DCAF5: variants seen among roughly 807,000 people sequenced by gnomAD.
DCAF5 encodes the protein DDB1- and CUL4-associated factor 5.
A neutral mutation model predicts 80.7 loss-of-function variants in DCAF5; 9 were observed. The ratio of observed to expected loss-of-function variants is 0.11; its 90% confidence interval spans 0.07 to 0.19. DCAF5 has a LOEUF of 0.19. Among genes scored for constraint, DCAF5 ranks in the 10% least tolerant of loss-of-function variants. DCAF5 has a pLI of 1.00. For synonymous variants in DCAF5, 433 were observed against 461.9 expected (o/e 0.94, Z 0.80); for missense variants, 842 against 1,205.7 (o/e 0.70, Z 4.47).
At chr14:69,084,054 G>A (rs986175499) in intron 6 of DCAF5, 47 of 781,118 alleles carry the variant, frequency 6.0e-5, no homozygotes, top group South Asian at 1.8e-4. Flanking sequence ...TACAAAAACC[G>A]TCAGTGGTAA....
chr14:69,146,838 T>C (rs542884319), intron 1 of DCAF5, among the ~76,000 whole-genome samples: 51 of 152,308 alleles, frequency 3.3e-4, no homozygotes, highest in African/African-American at 1.1e-3. Flanking sequence ...AGAAGAAAAT[T>C]TGAAAACTGA....
rs2040604687 is a variant in DCAF5, at chr14:69,118,399, A to C, written c.396-121T>G. 9.8e-7 allele frequency: 1 copy of C among 1,018,630 alleles called. No homozygotes were observed. The highest frequency in any genetic ancestry group is 1.4e-6 in the Non-Finnish European group (1 of 734,050). The allele number at this position is 1,018,630 out of a possible 1,614,324, so 63.1% of individuals were successfully genotyped here. On this transcript the variant is annotated intron_variant, in intron 3 of 8. Coordinates refer to ENST00000341516, the MANE Select transcript of DCAF5 (RefSeq NM_003861.3). This position sits in a 1 kb window ranked among gnomAD's most constrained non-coding sequence, Gnocchi z 4.0. ...TTCTAGAAGAAAGTCAACCTAGCTAAACCCAAAAAATATTATATTTCCTGA... is the reference window on the plus strand; with the variant it reads ...TTCTAGAAGAAAGTCAACCTAGCTACACCCAAAAAATATTATATTTCCTGA...
chr14:69,146,791 C>T (rs918429978), intron 1 of DCAF5, among the ~76,000 whole-genome samples: 3 of 152,142 alleles, frequency 2.0e-5, no homozygotes, highest in Admixed American at 2.0e-4. Context: ...AATAAAATAC[C>T]TTCACAGCAA....
In DCAF5 at chr14:69,055,459, G is replaced by C; in HGVS notation, c.1227C>G (p.Val409=). The change falls in exon 9 of 9, where the codon GTC becomes GTG. Residue 409 remains valine (V), a synonymous_variant. Coordinates refer to ENST00000341516, the MANE Select transcript of DCAF5 (RefSeq NM_003861.3). This position sits in a 1 kb window ranked among gnomAD's most constrained non-coding sequence, Gnocchi z 5.6. The stretch of plus-strand genomic sequence containing the variant: ...AGGCCATCATCCGGGGGTCTTCCTG[G>C]ACCGACTGGTTGGCGTAGTCATGCG... ...GLSHDYANQS[V]QEDPRMMAFF... The C allele has an allele frequency of 1.2e-6, 2 of 1,614,128 alleles. No individual in the cohort carries two copies. The highest frequency in any genetic ancestry group is 1.7e-6 in the Non-Finnish European group (2 of 1,180,034).
rs2037754343 is a variant in DCAF5, at chr14:69,051,336, A to G, written c.*2521T>C. On this transcript the variant is annotated 3_prime_UTR_variant, in exon 9 of 9. Coordinates refer to ENST00000341516, the MANE Select transcript of DCAF5 (RefSeq NM_003861.3). ...CATCAAAGTTGGGGCCTCAATTCTAAAAGAGTTTAGGCAAAGGTACTCTAG... is the reference window on the plus strand; with the variant it reads ...CATCAAAGTTGGGGCCTCAATTCTAGAAGAGTTTAGGCAAAGGTACTCTAG... The G allele has an allele frequency of 6.6e-6, 1 of 152,628 alleles. No individual in the cohort carries two copies. Among genetic ancestry groups the G allele is most frequent in the Admixed American group, 6.5e-5 (1 of 15,286 alleles). 9.5% of individuals were successfully genotyped at this position (152,628 alleles called of 1,614,324 possible). A position where few individuals can be genotyped will look rare whatever the true frequency, so the allele number is the denominator to read the frequency against.
chr14:69,146,419 C>A lies in DCAF5; in HGVS notation c.214+6346G>T, dbSNP rs77576841. 2.2e-3 allele frequency among the ~76,000 whole-genome samples: 333 copies of A among 152,246 alleles called. 3 individuals carry two copies. Among genetic ancestry groups the A allele is most frequent in the African/African-American group, 7.5e-3 (311 of 41,544 alleles). ...ACCAAGTAGGACAAATAATGTGTATCTATAAATATTCACATTACTTTATCC... is the reference window on the plus strand; with the variant it reads ...ACCAAGTAGGACAAATAATGTGTATATATAAATATTCACATTACTTTATCC... On this transcript the variant is annotated intron_variant, in intron 1 of 8. Coordinates refer to ENST00000341516, the MANE Select transcript of DCAF5 (RefSeq NM_003861.3).
chr14:69,057,717 T>C (rs1365006416), intron 8 of DCAF5, among the ~76,000 whole-genome samples: 1 of 151,742 alleles, frequency 6.6e-6, no homozygotes, highest in Non-Finnish European at 1.5e-5. Flanking sequence ...GAGGCAGGAG[T>C]CTTGAGTAGG....
At position 69,152,849 on chromosome 14, in the gene DCAF5, G is replaced by A; in HGVS notation, c.130C>T (p.Leu44Phe). 6.2e-7 allele frequency: 1 copy of A among 1,614,148 alleles called. No homozygotes were observed. Reference protein sequence around the residue: ...QRRRLRGCRNLYKKDLLGHFG... With the variant: ...QRRRLRGCRNFYKKDLLGHFG... ...TGGCCGAGGAGGTCCTTCTTGTAGAGGTTTCTGCAGCCCCGCAGGCGTCTC... is the reference window on the plus strand; with the variant it reads ...TGGCCGAGGAGGTCCTTCTTGTAGAAGTTTCTGCAGCCCCGCAGGCGTCTC... The change falls in exon 1 of 9, where the codon CTC becomes TTC. Residue 44 changes from leucine to phenylalanine, a missense_variant. Around this residue, in one of 5 missense-constraint regions of DCAF5, gnomAD observed 142 missense variants for 311.9 expected, o/e 0.46. Transcript: ENST00000341516. This position sits in a 1 kb window ranked among gnomAD's most constrained non-coding sequence, Gnocchi z 4.1.
chr14:69,129,300 C>T (rs2040969437), intron 1 of DCAF5, among the ~76,000 whole-genome samples: 1 of 152,312 alleles, frequency 6.6e-6, no homozygotes, highest in South Asian at 2.1e-4. Flanking sequence ...AAGCTAAACA[C>T]ACCCCCTTAC....
At position 69,152,772 on chromosome 14, in the gene DCAF5, C is replaced by T. The variant is rs1566798300; in HGVS notation, c.207G>A (p.Leu69=). ...GGAAGGGGGTTGATTTACCTGAGACCAGCCACTGGCCTCCATTGTTGGAGA... is the reference window on the plus strand; with the variant it reads ...GGAAGGGGGTTGATTTACCTGAGACTAGCCACTGGCCTCCATTGTTGGAGA... ...IEFSNNGGQW[L]VSGGDDRRVL... is the part of the protein sequence containing the mutation. The change falls in exon 1 of 9, where the codon CTG becomes CTA. Residue 69 remains leucine, a synonymous_variant. Coordinates refer to ENST00000341516, the MANE Select transcript of DCAF5 (RefSeq NM_003861.3). This position sits in a 1 kb window ranked among gnomAD's most constrained non-coding sequence, Gnocchi z 4.1. The T allele has an allele frequency of 6.2e-7, 1 of 1,613,540 alleles. No homozygotes were observed. Among genetic ancestry groups the T allele is most frequent in the Non-Finnish European group, 8.5e-7 (1 of 1,179,852 alleles).
At chr14:69,149,401 C>A (rs2041637712) in intron 1 of DCAF5, 2 of 152,204 alleles carry the variant, frequency 1.3e-5, no homozygotes, top group South Asian at 4.1e-4. Context: ...CCACTTGTTG[C>A]TGTCATAATT....
At chr14:69,108,559 A>T (rs2040244967) in intron 5 of DCAF5, among the ~76,000 whole-genome samples, 1 of 152,162 alleles carries the variant, frequency 6.6e-6, no homozygotes, top group African/African-American at 2.4e-5. Context: ...AGAGGGAGGG[A>T]GAGGCAGAAG....
At chr14:69,122,383 G>A (rs1357136361) in intron 1 of DCAF5, 23 bp from the exon 2 acceptor site, 1 of 1,599,438 alleles carries the variant, frequency 6.3e-7, no homozygotes, top group Non-Finnish European at 8.6e-7. Context: ...ATAAGAATCT[G>A]TGCTTAAAAC....
intron 1 of DCAF5, among the ~76,000 whole-genome samples, chr14:69,150,015 T>G (rs530873839): frequency 6.6e-6 from 1 of 152,358 alleles, no homozygotes; most frequent in East Asian, 1.9e-4. Flanking sequence ...GGCTTCCTTA[T>G]CTGAAGCAAA....
At chr14:69,111,740 C>T (rs2040374598) in intron 5 of DCAF5, among the ~76,000 whole-genome samples, 1 of 152,184 alleles carries the variant, frequency 6.6e-6, no homozygotes, top group African/African-American at 2.4e-5. Context: ...AGGAGGTTAC[C>T]TGTGAAAACA....
At chr14:69,143,492 C>G (rs940523497) in intron 1 of DCAF5, among the ~76,000 whole-genome samples, 3 of 151,316 alleles carry the variant, frequency 2.0e-5, no homozygotes, top group Admixed American at 1.3e-4. Flanking sequence ...ATGAAATGCC[C>G]CCAAATAATA....
chr14:69,120,735 C>T (rs886876112), intron 2 of DCAF5, among the ~76,000 whole-genome samples: 1 of 152,136 alleles, frequency 6.6e-6, no homozygotes, highest in Non-Finnish European at 1.5e-5. Flanking sequence ...TCAGTAAACC[C>T]ATACTAATGC....
intron 5 of DCAF5, among the ~76,000 whole-genome samples, chr14:69,106,638 C>G (rs183919398): frequency 6.6e-6 from 1 of 152,188 alleles, no homozygotes; most frequent in East Asian, 1.9e-4. Flanking sequence ...TCCCAAAGTG[C>G]TAGGATTACA....
intron 1 of DCAF5, among the ~76,000 whole-genome samples, chr14:69,134,417 T>A (rs963866422): frequency 6.6e-6 from 1 of 152,230 alleles, no homozygotes; most frequent in Non-Finnish European, 1.5e-5. Flanking sequence ...ATAGCACAGG[T>A]GACACTCCTT....
Sources: allele counts gnomAD v4.1 joint callset (sites outside exome capture counted in the v4.1 genomes callset), GRCh38; gene constraint gnomAD v4.1.1; regional missense constraint gnomAD v4.1.1; non-coding constraint Gnocchi (gnomAD v3.1); transcripts MANE v1.5; gene names NCBI Gene and HGNC (gene_info 2026-07-23, HGNC 2026-07-21).